GLIS1: variants seen among roughly 807,000 people sequenced by gnomAD.
The protein encoded by GLIS1 is GLIS family zinc finger 1, also known as zinc finger protein GLIS1.
In GLIS1, 24 loss-of-function variants were observed where a neutral mutation model predicts 63.8. The observed-to-expected ratio is 0.38, with a 90% CI of 0.27 to 0.53. The LOEUF is 0.53. Among genes scored for constraint, GLIS1 ranks in the 20% least tolerant of loss-of-function variants. The pLI, the probability that GLIS1 is intolerant of heterozygous loss-of-function variation, is 0.85. For missense variants in GLIS1, 1,036 were observed against 1,074.1 expected, an observed-to-expected ratio of 0.96 and a Z score of 0.50; for synonymous variants, 450 against 482.5, an observed-to-expected ratio of 0.93 and a Z score of 0.88.
intron 2 of GLIS1, among the ~76,000 whole-genome samples, chr1:53,628,164 C>A (rs1313043289): frequency 7.3e-6 from 1 of 137,010 alleles, no homozygotes; most frequent in Non-Finnish European, 1.6e-5. Context: ...CTGTGCCTTG[C>A]TGTACCTGGG....
chr1:53,725,456 AC>A lies in GLIS1; in HGVS notation c.259+12349del. Among the ~76,000 whole-genome samples, 3 of 152,214 alleles carry A rather than the reference AC, an allele frequency of 2.0e-5. 1 individual carries two copies. In the South Asian group the frequency reaches 6.2e-4, roughly 32 times the overall value. On this transcript the variant is annotated intron_variant, in intron 2 of 10. Coordinates refer to ENST00000628545, the MANE Select transcript of GLIS1 (RefSeq NM_001367484.1). ...ACTCAGCAGACCAAGGCTGGGTGAG[AC>A]TGTCTGAGGTCATGAGGCTGAGACT...
intron 2 of GLIS1, among the ~76,000 whole-genome samples, chr1:53,680,483 C>G (rs539156701): frequency 3.9e-5 from 6 of 152,332 alleles, no homozygotes; most frequent in Middle Eastern, 3.4e-3. Flanking sequence ...AGATACTTAA[C>G]CTCTCTGAGC....
At position 53,520,766 on chromosome 1, in the gene GLIS1, G is replaced by T; in HGVS notation, c.1594C>A (p.Leu532Met). The part of the protein sequence containing the change: ...SAKEQQVRKK[L>M]HAGPDTEADV... ...GCCTCGGTGTCAGGGCCCGCATGCA[G>T]CTGGGGAGCAAGCAGAGGGAAAGGA... The change falls in exon 7 of 11, where the codon CTG becomes ATG. Residue 532 changes from leucine (L) to methionine (M), a missense_variant and splice_region_variant. By Grantham distance (15) the Leu-to-Met change is conservative. Transcript: ENST00000628545. 6.2e-7 allele frequency: 1 copy of T among 1,602,550 alleles called. No individual in the cohort carries two copies. The highest frequency in any genetic ancestry group is 1.7e-5 in the Admixed American group (1 of 58,962).
chr1:53,725,313 G>A (rs1267970536), intron 2 of GLIS1, among the ~76,000 whole-genome samples: 1 of 152,174 alleles, frequency 6.6e-6, no homozygotes, highest in South Asian at 2.1e-4. Context: ...GCAAACTCAA[G>A]TTCTGACCTG....
Position 53,600,228 on chromosome 1 carries a change from C to T in GLIS1, c.310G>A (p.Asp104Asn). The T allele has an allele frequency of 5.1e-5, 63 of 1,232,112 alleles. No homozygotes were observed. Among genetic ancestry groups the T allele is most frequent in the Non-Finnish European group, 6.3e-5 (62 of 987,950 alleles). The allele number at this position is 1,232,112 out of a possible 1,614,324, so 76.3% of individuals were successfully genotyped here. ...RTPGSEKSLL[D>N]LDLAEGPGPT... ...CCAGGGCCCTCAGCAAGGTCCAGGT[C>T]CAGCAGGCTCTTCTCTGAGCCCGGG... Residue 104 changes from aspartate (D) to asparagine (N), a missense_variant, in exon 3 of 11, where the codon GAC (aspartate) becomes AAC (asparagine). This residue lies in a region of GLIS1 where 592 missense variants were observed against 593.9 expected (regional missense o/e 1.00). Transcript: ENST00000628545.
Position 53,663,104 on chromosome 1 carries a change from T to G in GLIS1, c.260-62826A>C, listed in dbSNP as rs532809643. Among the ~76,000 whole-genome samples the G allele has an allele frequency of 5.9e-5, 9 of 152,044 alleles. No homozygotes were observed. In the South Asian group the frequency reaches 1.9e-3, roughly 32 times the overall value. ...GCCACTCCCAAGTGTCTGTCACAGC[T>G]CTCCCACTAGCTCCATGACCACTGC... On this transcript the variant is annotated intron_variant, in intron 2 of 10. Coordinates refer to ENST00000628545, the MANE Select transcript of GLIS1 (RefSeq NM_001367484.1).
chr1:53,621,867 G>C (rs1251710633), intron 2 of GLIS1, among the ~76,000 whole-genome samples: 1 of 151,986 alleles, frequency 6.6e-6, no homozygotes, highest in Non-Finnish European at 1.5e-5. Context: ...TTGGAGTGCA[G>C]TGGTGCAATC....
intron 6 of GLIS1, among the ~76,000 whole-genome samples, chr1:53,522,362 G>A (rs1389367280): frequency 6.6e-6 from 1 of 152,214 alleles, no homozygotes; most frequent in Admixed American, 6.5e-5. Flanking sequence ...CTCAGTGCGA[G>A]CCAAGCATGG....
At chr1:53,527,845 G>A (rs1028351641) in intron 5 of GLIS1, among the ~76,000 whole-genome samples, 8 of 152,216 alleles carry the variant, frequency 5.3e-5, no homozygotes, top group Non-Finnish European at 1.2e-4. Flanking sequence ...GGGAGACGAA[G>A]GCCTGAGATA....
chr1:53,529,823 G>T lies in GLIS1; in HGVS notation c.1450C>A (p.Arg484Ser). Residue 484 changes from arginine (R) to serine (S), a missense_variant, in exon 5 of 11, where the codon CGC becomes AGC. This residue lies in a region of GLIS1 where 44 missense variants were observed against 79.3 expected (regional missense o/e 0.55). Coordinates refer to ENST00000628545, the MANE Select transcript of GLIS1 (RefSeq NM_001367484.1). Reference protein sequence around the residue: ...CQKAFSNSSDRAKHQRTHLDT... With the variant: ...CQKAFSNSSDSAKHQRTHLDT... ...AGGTGGGTGCGCTGGTGCTTGGCGC[G>T]GTCGCTGGAGTTGCTGAAGGCCTTC... The T allele has an allele frequency of 6.2e-7, 1 of 1,613,374 alleles. No individual in the cohort carries two copies. Among genetic ancestry groups the T allele is most frequent in the Non-Finnish European group, 8.5e-7 (1 of 1,179,996 alleles).
Position 53,574,951 on chromosome 1 carries a change from C to T in GLIS1, c.1320+19157G>A, listed in dbSNP as rs1252446571. 6.6e-6 allele frequency among the ~76,000 whole-genome samples: 1 copy of T among 152,134 alleles called. No individual in the cohort carries two copies. Among genetic ancestry groups the T allele is most frequent in the African/African-American group, 2.4e-5 (1 of 41,416 alleles). On this transcript the variant is annotated intron_variant, in intron 4 of 10. Transcript: ENST00000628545. This position sits in a 1 kb window ranked among gnomAD's most constrained non-coding sequence, Gnocchi z 4.2. ...ACTCCGGGGGCAGGGTGGGCAGCCC[C>T]GGTCTGAACCTCACATCTCATCTGG...
intron 2 of GLIS1, among the ~76,000 whole-genome samples, chr1:53,656,538 A>G (rs944522835): frequency 1.3e-5 from 2 of 152,234 alleles, no homozygotes; most frequent in Non-Finnish European, 2.9e-5. Flanking sequence ...ACCACAAGAC[A>G]TGAAAATAAC....
intron 4 of GLIS1, among the ~76,000 whole-genome samples, chr1:53,556,374 TGCAGGTGTACTGC>T: frequency 7.0e-6 from 1 of 143,066 alleles, no homozygotes; most frequent in East Asian, 2.2e-4. Context: ...GATGTGTCTG[TGCAGGTGTACTGC>T]AGGTGTGTGT....
intron 4 of GLIS1, among the ~76,000 whole-genome samples, chr1:53,580,032 G>A (rs1181011824): frequency 6.6e-6 from 1 of 152,216 alleles, no homozygotes; most frequent in African/African-American, 2.4e-5. Flanking sequence ...CCACCGTCCT[G>A]ATGAATAAGG....
chr1:53,573,846 C>T (rs1235639004), intron 4 of GLIS1, among the ~76,000 whole-genome samples: 1 of 152,176 alleles, frequency 6.6e-6, no homozygotes, highest in Non-Finnish European at 1.5e-5. Flanking sequence ...GGAGTGGCTC[C>T]GGCTAATGCT....
intron 10 of GLIS1, among the ~76,000 whole-genome samples, chr1:53,508,445 CTGTT>C (rs1644260394): frequency 6.6e-6 from 1 of 152,212 alleles, no homozygotes; most frequent in Non-Finnish European, 1.5e-5. Flanking sequence ...TGGAAACCTC[CTGTT>C]AGACCTGGGC....
chr1:53,532,490 T>C (rs1644541598), intron 4 of GLIS1, among the ~76,000 whole-genome samples: 1 of 152,226 alleles, frequency 6.6e-6, no homozygotes, highest in Admixed American at 6.5e-5. Context: ...TTAGAAGCTG[T>C]TCTGCTTCCT....
intron 2 of GLIS1, among the ~76,000 whole-genome samples, chr1:53,627,427 A>C (rs1645607583): frequency 6.6e-6 from 1 of 152,042 alleles, no homozygotes; most frequent in African/African-American, 2.4e-5. Context: ...TGCCAAATTG[A>C]ACCTCCCGCT....
At chr1:53,633,501 G>C (rs888270015) in intron 2 of GLIS1, among the ~76,000 whole-genome samples, 3 of 151,504 alleles carry the variant, frequency 2.0e-5, no homozygotes, top group African/African-American at 7.3e-5. Flanking sequence ...GTGGCTGAGG[G>C]GTGTGAATGA....
Sources: gnomAD v4.1 joint callset for allele counts (sites outside exome capture counted in the v4.1 genomes callset) on GRCh38, gnomAD v4.1.1 for gene constraint, gnomAD v4.1.1 regional missense constraint, Gnocchi (gnomAD v3.1) non-coding constraint, MANE v1.5 for transcripts, NCBI Gene and HGNC (gene_info 2026-07-23, HGNC 2026-07-21) for gene names.